AK9: variants seen among roughly 807,000 people sequenced by gnomAD.
AK9 encodes the protein adenylate kinase domain containing 1.
AK9 carries 191 observed loss-of-function variants against 239.6 expected under a neutral mutation model. That is an observed-to-expected ratio of 0.80 (90% confidence interval 0.71 to 0.90). The LOEUF (loss-of-function observed/expected upper bound fraction) is 0.90. Among genes scored for constraint, AK9 ranks in the 40% least tolerant of loss-of-function variants. AK9 has a pLI of 0.00. For synonymous variants in AK9, 689 were observed against 721.0 expected (o/e 0.96, Z 0.71); for missense variants, 1,995 against 2,214.7 (o/e 0.90, Z 1.99).
intron 27 of AK9, among the ~76,000 whole-genome samples, chr6:109,534,330 G>T (rs1433456373): frequency 6.7e-6 from 1 of 149,392 alleles, no homozygotes; most frequent in Non-Finnish European, 1.5e-5. Flanking sequence ...ATTTTAATTA[G>T]AGAGCACTTA....
chr6:109,606,604 C>T (rs1269716458), intron 17 of AK9, among the ~76,000 whole-genome samples: 1 of 152,186 alleles, frequency 6.6e-6, no homozygotes, highest in Non-Finnish European at 1.5e-5. Context: ...GGCCCATCTC[C>T]CTAGAGGTTG....
In AK9 at chr6:109,656,742, T is replaced by C. The variant is rs374793352; in HGVS notation, c.759+14A>G. The C allele has an allele frequency of 4.5e-6, 7 of 1,562,066 alleles. No individual in the cohort carries two copies. In the African/African-American group the frequency reaches 5.5e-5, roughly 12 times the overall value. On this transcript the variant is annotated intron_variant, in intron 8 of 40. Coordinates refer to ENST00000424296, the MANE Select transcript of AK9 (RefSeq NM_001145128.3). ...ATATCAATATTCATTTTCAGCAATATATTTTGTTCTTACTTCTAAAGTTTG... is the reference window on the plus strand; with the variant it reads ...ATATCAATATTCATTTTCAGCAATACATTTTGTTCTTACTTCTAAAGTTTG...
intron 27 of AK9, among the ~76,000 whole-genome samples, chr6:109,536,047 C>T (rs1781941263): frequency 1.3e-5 from 2 of 152,168 alleles, no homozygotes; most frequent in Admixed American, 1.3e-4. Flanking sequence ...CGTGATGCCT[C>T]CAGCTTTGTT....
intron 8 of AK9, among the ~76,000 whole-genome samples, chr6:109,654,754 A>T (rs1380103809): frequency 2.0e-5 from 3 of 152,226 alleles, no homozygotes; most frequent in African/African-American, 4.8e-5. Flanking sequence ...TGGGATTCAA[A>T]GACAGGCCAA....
intron 5 of AK9, among the ~76,000 whole-genome samples, chr6:109,665,467 T>C (rs1801055438): frequency 1.5e-5 from 1 of 65,908 alleles, no homozygotes; most frequent in Admixed American, 1.9e-4. Flanking sequence ...CTGCCTCTTC[T>C]TGTTGTTCTC....
At chr6:109,578,327 C>G (rs1374121849) in intron 20 of AK9, among the ~76,000 whole-genome samples, 2 of 152,122 alleles carry the variant, frequency 1.3e-5, no homozygotes, top group Non-Finnish European at 2.9e-5. Context: ...CCTCAGCCTC[C>G]CAAAGTGCTG....
chr6:109,535,265 CT>C (rs1478142404), intron 27 of AK9, among the ~76,000 whole-genome samples: 1 of 152,182 alleles, frequency 6.6e-6, no homozygotes, highest in African/African-American at 2.4e-5. Context: ...TCTCCAGCAC[CT>C]GTTGTTTCCT....
At chr6:109,679,068 T>G (rs567948658) in intron 1 of AK9, among the ~76,000 whole-genome samples, 2 of 152,280 alleles carry the variant, frequency 1.3e-5, no homozygotes, top group South Asian at 2.1e-4. Flanking sequence ...AGGAGTTTTT[T>G]TCATATCCCA....
chr6:109,551,306 G>T (rs539052606), intron 24 of AK9, among the ~76,000 whole-genome samples: 1 of 152,126 alleles, frequency 6.6e-6, no homozygotes, highest in African/African-American at 2.4e-5. Flanking sequence ...ATCACATGAG[G>T]TCAGGAGTTT....
intron 8 of AK9, among the ~76,000 whole-genome samples, chr6:109,648,873 C>T (rs1382356874): frequency 1.3e-5 from 2 of 152,140 alleles, no homozygotes; most frequent in Admixed American, 6.5e-5. Context: ...TCCAGCAGCA[C>T]ATCAAAAAGT....
chr6:109,673,678 C>T (rs1483381382), intron 3 of AK9, among the ~76,000 whole-genome samples: 1 of 152,016 alleles, frequency 6.6e-6, no homozygotes, highest in Non-Finnish European at 1.5e-5. Context: ...CTCATTTGAG[C>T]TTTCATAAAA....
At chr6:109,645,831 C>T (rs914500872) in intron 8 of AK9, among the ~76,000 whole-genome samples, 1 of 152,174 alleles carries the variant, frequency 6.6e-6, no homozygotes, top group African/African-American at 2.4e-5. Flanking sequence ...CCTCATACAG[C>T]CAAGAGCTCC....
In AK9 at chr6:109,671,956, C is replaced by T. The variant is rs1347947945; in HGVS notation, c.294G>A (p.Met98Ile). 1 of 1,613,992 alleles carries T rather than the reference C, an allele frequency of 6.2e-7. No homozygotes were observed. Among genetic ancestry groups the T allele is most frequent in the Non-Finnish European group, 8.5e-7 (1 of 1,179,944 alleles). Reference sequence around the variant, plus strand: ...CTTCTGGGGAGTTGAGCTTCTCCAACATTAGCTTTATGACAAGTTCATCTG... The same window carrying T: ...CTTCTGGGGAGTTGAGCTTCTCCAATATTAGCTTTATGACAAGTTCATCTG... ...SIPDELVIKLMLEKLNSPEVC... is the reference protein window; with the variant it reads ...SIPDELVIKLILEKLNSPEVC... Residue 98 changes from methionine (M) to isoleucine (I), a missense_variant, in exon 5 of 41, where the codon ATG becomes ATA. Met to Ile is a conservative substitution (Grantham distance 10, BLOSUM62 1). This residue lies in a region of AK9 where 252 missense variants were observed against 246.4 expected (regional missense o/e 1.02). Transcript: ENST00000424296.
intron 17 of AK9, among the ~76,000 whole-genome samples, chr6:109,590,812 C>T (rs1790129828): frequency 6.6e-6 from 1 of 152,112 alleles, no homozygotes; most frequent in African/African-American, 2.4e-5. Context: ...ATTTAATTTC[C>T]ATGCATTTGT....
chr6:109,521,210 G>C (rs564033078), intron 29 of AK9, among the ~76,000 whole-genome samples: 1 of 152,082 alleles, frequency 6.6e-6, no homozygotes, highest in South Asian at 2.1e-4. Context: ...ATAGAAACCA[G>C]TTTAGAAAGT....
Position 109,614,184 on chromosome 6 carries a change from A to T in AK9, c.1608T>A (p.Asp536Glu). The T allele has an allele frequency of 6.5e-7, 1 of 1,550,358 alleles. No homozygotes were observed. The highest frequency in any genetic ancestry group is 1.2e-5 in the South Asian group (1 of 84,010). The change falls in exon 15 of 41, where the codon GAT (aspartate) becomes GAA (glutamate). Residue 536 changes from aspartate (D) to glutamate (E), a missense_variant and splice_region_variant. Coordinates refer to ENST00000424296, the MANE Select transcript of AK9 (RefSeq NM_001145128.3). ...GGGATTAGCAGTTCACTTTGTTACC[A>T]TCTTTATCAACTTTAGCAGCTTGAT... The part of the protein sequence containing the change: ...LHDQAAKVDK[D>E]DGKETGETFT...
chr6:109,568,410 T>G (rs1583042880), intron 21 of AK9, among the ~76,000 whole-genome samples: 2 of 152,226 alleles, frequency 1.3e-5, no homozygotes, highest in Non-Finnish European at 1.5e-5. Flanking sequence ...TTCAACATAG[T>G]GTTGGAAGTT....
At chr6:109,623,200 T>G (rs144716575) in intron 12 of AK9, among the ~76,000 whole-genome samples, 54 of 152,290 alleles carry the variant, frequency 3.5e-4, no homozygotes, top group Non-Finnish European at 6.8e-4. Flanking sequence ...ACACATATTA[T>G]GATGTGATGG....
At chr6:109,675,491 T>C in intron 2 of AK9, 138 bp downstream of exon 2, 1 of 556,622 alleles carries the variant, frequency 1.8e-6, no homozygotes, top group Non-Finnish European at 3.0e-6. Context: ...TTATGGCAGA[T>C]TTTAAGTCAT....
Sources: allele counts gnomAD v4.1 joint callset (sites outside exome capture counted in the v4.1 genomes callset), GRCh38; gene constraint gnomAD v4.1.1; regional missense constraint gnomAD v4.1.1; transcripts MANE v1.5; gene names NCBI Gene and HGNC (gene_info 2026-07-23, HGNC 2026-07-21).